The following LCLAT1 variants were observed in gnomAD, a reference collection of about 807,000 sequenced individuals.
LCLAT1 encodes the protein 1-AGP acyltransferase 8.
LCLAT1 carries 11 observed loss-of-function variants against 30.7 expected under a neutral mutation model. The observed-to-expected ratio is 0.36, with a 90% CI of 0.23 to 0.59. The LOEUF (loss-of-function observed/expected upper bound fraction) is 0.59, where lower values mean the gene tolerates loss of function less well. LCLAT1 is among the 20% of genes least tolerant of loss of function. The probability of loss-of-function intolerance (pLI) is 0.77; values close to 1 mark genes in which losing one functional copy is unlikely to be tolerated. For missense variants in LCLAT1, 402 were observed against 458.6 expected (o/e 0.88, Z 1.13); for synonymous variants, 155 against 151.3 (o/e 1.02, Z -0.18).
At chr2:30,605,937 C>T in intron 5 of LCLAT1, 5 of 1,040,918 alleles carry the variant, frequency 4.8e-6, no homozygotes. Flanking sequence ...CAACCTAGAT[C>T]CCTCACTTGC....
At chr2:30,570,562 C>G (rs2148453466) in intron 5 of LCLAT1, among the ~76,000 whole-genome samples, 1 of 152,240 alleles carries the variant, frequency 6.6e-6, no homozygotes, top group South Asian at 2.1e-4. Context: ...AGAACCTCAT[C>G]AAAATTATTG....
intron 1 of LCLAT1, among the ~76,000 whole-genome samples, chr2:30,461,770 C>CCTTTTTTTTTTTTTTTTTTTT (rs760622200): frequency 0.012 from 1,610 of 131,356 alleles, 116 homozygotes; most frequent in East Asian, 0.024. Context: ...CTAAATTAAA[C>CCTTTTTTTTTTTTTTTTTTTT]TTTTTTTTTT....
At chr2:30,605,320 G>A (rs1316886234) in intron 5 of LCLAT1, among the ~76,000 whole-genome samples, 3 of 152,122 alleles carry the variant, frequency 2.0e-5, no homozygotes, top group Non-Finnish European at 4.4e-5. Flanking sequence ...ATCTCATTAG[G>A]CCACCTGGAA....
At chr2:30,536,562 T>C (rs949618743) in intron 3 of LCLAT1, among the ~76,000 whole-genome samples, 3 of 152,228 alleles carry the variant, frequency 2.0e-5, no homozygotes, top group African/African-American at 7.2e-5. Context: ...AAAGGAGACA[T>C]AGTCTTTCCA....
At chr2:30,481,238 T>C (rs6705814) in intron 1 of LCLAT1, among the ~76,000 whole-genome samples, 89,318 of 151,992 alleles carry the variant, frequency 0.59, 26,366 homozygotes, top group Admixed American at 0.63. Flanking sequence ...TAAAGGCTTT[T>C]AAACTGGGAA....
chr2:30,504,512 T>G (rs960560933), intron 1 of LCLAT1, among the ~76,000 whole-genome samples: 8 of 141,270 alleles, frequency 5.7e-5, no homozygotes, highest in African/African-American at 2.0e-4. Flanking sequence ...TTTTCAGTCT[T>G]TCTAACTTGT....
At position 30,526,926 on chromosome 2, in the gene LCLAT1, AGCTTTAAAGATAT is replaced by A. The variant is rs1436391608; in HGVS notation, c.165+1173_165+1185del. Reference sequence around the variant, plus strand: ...ATTTTTAGAGTTACATTTTTAAATTAGCTTTAAAGATATGAAGCCCAGTGTTTCATTGCAACCC... The same window carrying A: ...ATTTTTAGAGTTACATTTTTAAATTAGAAGCCCAGTGTTTCATTGCAACCC... On this transcript the variant is annotated intron_variant, in intron 2 of 5. Coordinates refer to ENST00000379509, the MANE Select transcript of LCLAT1 (RefSeq NM_001002257.3). Among the ~76,000 whole-genome samples, 10 of 152,346 alleles carry A rather than the reference AGCTTTAAAGATAT, an allele frequency of 6.6e-5. No homozygotes were observed. The East Asian group carries it at 1.7e-3, about 26-fold the overall frequency.
At chr2:30,478,683 ATAGATAGGTAGG>A (rs1558464015) in intron 1 of LCLAT1, among the ~76,000 whole-genome samples, 5 of 94,744 alleles carry the variant, frequency 5.3e-5, no homozygotes, top group African/African-American at 2.0e-4. Context: ...AAATAAATAG[ATAGATAGGTAGG>A]TAGGTAGGTA....
intron 5 of LCLAT1, among the ~76,000 whole-genome samples, chr2:30,571,615 C>G (rs1021822212): frequency 2.0e-4 from 30 of 152,148 alleles, no homozygotes; most frequent in Non-Finnish European, 8.8e-5. Flanking sequence ...TAAGCCTCTC[C>G]CAGGGTGGCA....
At chr2:30,516,027 C>T (rs1044441318) in intron 1 of LCLAT1, among the ~76,000 whole-genome samples, 1 of 152,108 alleles carries the variant, frequency 6.6e-6, no homozygotes, top group Non-Finnish European at 1.5e-5. Flanking sequence ...TGACTGTATC[C>T]ACCTTTAAAT....
chr2:30,634,025 G>A (rs1049229705), intron 5 of LCLAT1, among the ~76,000 whole-genome samples: 5 of 152,144 alleles, frequency 3.3e-5, no homozygotes, highest in African/African-American at 1.2e-4. Context: ...ACTTCATGCT[G>A]GATATTACAT....
At chr2:30,533,368 C>A (rs1172186128) in intron 3 of LCLAT1, 54 bp downstream of exon 3, 4 of 1,436,320 alleles carry the variant, frequency 2.8e-6, no homozygotes, top group Non-Finnish European at 3.9e-6. Flanking sequence ...ATGTAATGCA[C>A]CCACTGTAAA....
intron 5 of LCLAT1, among the ~76,000 whole-genome samples, chr2:30,630,900 T>G (rs944388078): frequency 7.9e-5 from 12 of 152,146 alleles, no homozygotes. Flanking sequence ...GCTGTTAGGG[T>G]AACAGTAGAT....
intron 5 of LCLAT1, among the ~76,000 whole-genome samples, chr2:30,604,132 ACT>A (rs964967151): frequency 2.6e-5 from 4 of 152,100 alleles, no homozygotes; most frequent in Non-Finnish European, 5.9e-5. Context: ...GGCACAACTA[ACT>A]CTGGCCAGAG....
At chr2:30,507,909 A>G (rs558224770) in intron 1 of LCLAT1, among the ~76,000 whole-genome samples, 34 of 152,370 alleles carry the variant, frequency 2.2e-4, no homozygotes, top group African/African-American at 7.5e-4. Flanking sequence ...CACTCCCACC[A>G]GTAGCATATA....
At chr2:30,572,251 A>G (rs1665810640) in intron 5 of LCLAT1, among the ~76,000 whole-genome samples, 2 of 152,304 alleles carry the variant, frequency 1.3e-5, no homozygotes, top group East Asian at 3.9e-4. Flanking sequence ...TAGTGAAAAA[A>G]GTCATGATTG....
Position 30,456,307 on chromosome 2 carries a change from C to G in LCLAT1, c.-5+8924C>G, listed in dbSNP as rs1017454521. Among the ~76,000 whole-genome samples, 6 of 152,182 alleles carry G rather than the reference C, an allele frequency of 3.9e-5. No individual in the cohort carries two copies. The South Asian group carries it at 6.2e-4, about 16-fold the overall frequency. ...ACTCTCTGCTAGGCCTCCTCTGATA[C>G]CACGCCAGTGGGGATGAGAAGGAGT... On this transcript the variant is annotated intron_variant, in intron 1 of 5. Transcript: ENST00000379509.
chr2:30,594,329 G>C (rs1435185894), intron 5 of LCLAT1, among the ~76,000 whole-genome samples: 1 of 152,006 alleles, frequency 6.6e-6, no homozygotes, highest in African/African-American at 2.4e-5. Context: ...GTATAGCAAA[G>C]TTCAAAGAGG....
intron 1 of LCLAT1, among the ~76,000 whole-genome samples, chr2:30,475,287 T>A (rs1211319792): frequency 6.6e-6 from 1 of 152,186 alleles, no homozygotes; most frequent in Admixed American, 6.5e-5. Context: ...AATTGAGTCA[T>A]GGTCCCTTAC....
Sources: allele counts gnomAD v4.1 joint callset (sites outside exome capture counted in the v4.1 genomes callset), GRCh38; gene constraint gnomAD v4.1.1; transcripts MANE v1.5; gene names NCBI Gene and HGNC (gene_info 2026-07-23, HGNC 2026-07-21).